KIAA0319: variants seen among roughly 807,000 people sequenced by gnomAD.
KIAA0319 encodes dyslexia-associated protein KIAA0319.
In KIAA0319, 83 loss-of-function variants were observed where a neutral mutation model predicts 108.4. The observed-to-expected ratio is 0.77, with a 90% confidence interval of 0.64 to 0.92. The LOEUF is 0.92. Ranked by LOEUF, KIAA0319 falls within the 40% of genes least tolerant of loss-of-function variation. The probability of loss-of-function intolerance (pLI) is 0.00; values close to 1 mark genes in which losing one functional copy is unlikely to be tolerated. For synonymous variants in KIAA0319, 484 were observed against 510.4 expected (o/e 0.95, Z 0.70); for missense variants, 1,195 against 1,322.4 (o/e 0.90, Z 1.49).
chr6:24,577,452 T>C (rs1031401886), intron 9 of KIAA0319, among the ~76,000 whole-genome samples: 1 of 152,210 alleles, frequency 6.6e-6, no homozygotes, highest in Non-Finnish European at 1.5e-5. Context: ...AAAAGAGAAG[T>C]GCGTTAACTT....
chr6:24,554,450 T>G, intron 19 of KIAA0319, 91 bp downstream of exon 19: 1 of 878,176 alleles, frequency 1.1e-6, no homozygotes, highest in Non-Finnish European at 1.9e-6. Context: ...AACAGCTTAG[T>G]GGTTTAACAA....
At chr6:24,558,853 C>T (rs1483357527) in intron 17 of KIAA0319, among the ~76,000 whole-genome samples, 160 bp downstream of exon 17, 1 of 152,182 alleles carries the variant, frequency 6.6e-6, no homozygotes, top group Non-Finnish European at 1.5e-5. Flanking sequence ...GAGTAGTTGG[C>T]AAATGCATGC....
intron 9 of KIAA0319, 58 bp from the exon 10 acceptor site, chr6:24,576,654 T>C (rs554111457): frequency 7.3e-7 from 1 of 1,362,650 alleles, no homozygotes; most frequent in African/African-American, 1.4e-5. Context: ...GTGCAGTGAC[T>C]CACGCCTGTA....
chr6:24,608,086 A>C (rs1428504143), intron 1 of KIAA0319, among the ~76,000 whole-genome samples: 1 of 152,208 alleles, frequency 6.6e-6, no homozygotes, highest in Non-Finnish European at 1.5e-5. Flanking sequence ...GCAATAAAAA[A>C]TACAGAAAAC....
chr6:24,599,241 A>G lies in KIAA0319; in HGVS notation c.55+1808T>C. On this transcript the variant is annotated intron_variant, in intron 2 of 20. Coordinates refer to ENST00000378214, the MANE Select transcript of KIAA0319 (RefSeq NM_014809.4). This position sits in a 1 kb window ranked among gnomAD's most constrained non-coding sequence, Gnocchi z 4.1. Reference sequence around the variant, plus strand: ...GCTGCAGGCACTGGCTGGGAAGCACAGGGATGACCTGTGTTATACAAAGAT... The same window carrying G: ...GCTGCAGGCACTGGCTGGGAAGCACGGGGATGACCTGTGTTATACAAAGAT... The G allele has an allele frequency of 2.0e-6, 1 of 501,934 alleles. No homozygotes were observed. Among genetic ancestry groups the G allele is most frequent in the Non-Finnish European group, 3.7e-6 (1 of 272,226 alleles). The allele number at this position is 501,934 out of a possible 1,614,324, so 31.1% of individuals were successfully genotyped here.
At chr6:24,641,237 C>G (rs1776868595) in intron 1 of KIAA0319, among the ~76,000 whole-genome samples, 1 of 152,236 alleles carries the variant, frequency 6.6e-6, no homozygotes, top group Non-Finnish European at 1.5e-5. Flanking sequence ...TCAAAATTTC[C>G]TTCCTTTTTA....
chr6:24,576,477 G>A lies in KIAA0319; in HGVS notation c.1625C>T (p.Pro542Leu). ...TCCATTCAAAGTGATGGAGTTTTGG[G>A]GCAAAGTTATGGTGTGATTTGGTCC... ...NAGPNHTITL[P>L]QNSITLNGNQ... The change falls in exon 10 of 21, where the codon CCC becomes CTC. Residue 542 changes from proline (P) to leucine (L), a missense_variant. Pro to Leu is a moderately conservative substitution (Grantham distance 98). Coordinates refer to ENST00000378214, the MANE Select transcript of KIAA0319 (RefSeq NM_014809.4). 1 of 1,614,106 alleles carries A rather than the reference G, an allele frequency of 6.2e-7. No individual in the cohort carries two copies. The highest frequency in any genetic ancestry group is 1.1e-5 in the South Asian group (1 of 91,082).
chr6:24,609,427 A>C (rs1036735155), intron 1 of KIAA0319, among the ~76,000 whole-genome samples: 6 of 151,916 alleles, frequency 3.9e-5, no homozygotes, highest in African/African-American at 7.3e-5. Flanking sequence ...AAATACAAAA[A>C]TTAGCCAGGC....
intron 1 of KIAA0319, among the ~76,000 whole-genome samples, chr6:24,608,343 T>C (rs1771738772): frequency 6.6e-6 from 1 of 152,120 alleles, no homozygotes. Context: ...ATCATAAATA[T>C]ATCAGTGTTT....
At chr6:24,635,088 G>A (rs1409619135) in intron 1 of KIAA0319, among the ~76,000 whole-genome samples, 6 of 151,908 alleles carry the variant, frequency 3.9e-5, no homozygotes, top group Admixed American at 3.9e-4. Context: ...AAAAGGAAAG[G>A]CAGTTTATTT....
At chr6:24,629,528 A>AAAAAAAAAAAAAAG (rs1156657922) in intron 1 of KIAA0319, among the ~76,000 whole-genome samples, 2 of 148,610 alleles carry the variant, frequency 1.3e-5, no homozygotes, top group Non-Finnish European at 3.0e-5. Flanking sequence ...AAAAAAAAAA[A>AAAAAAAAAAAAAAG]AAAGAAAGAA....
intron 11 of KIAA0319, 149 bp downstream of exon 11, chr6:24,572,426 G>A: frequency 1.2e-6 from 1 of 853,956 alleles, no homozygotes; most frequent in Non-Finnish European, 1.7e-6. Flanking sequence ...GTCAAGGCAA[G>A]ATTTAGAACC....
chr6:24,574,757 G>A (rs1438254318), intron 10 of KIAA0319, among the ~76,000 whole-genome samples: 2 of 152,098 alleles, frequency 1.3e-5, no homozygotes, highest in African/African-American at 4.8e-5. Context: ...TGTGCTACCA[G>A]GGGAACTTCT....
In KIAA0319 at chr6:24,547,092, G is replaced by A; in HGVS notation, c.*73C>T. The A allele has an allele frequency of 6.8e-7, 1 of 1,461,028 alleles. No individual in the cohort carries two copies. Among genetic ancestry groups the A allele is most frequent in the Non-Finnish European group, 9.5e-7 (1 of 1,049,972 alleles). 90.5% of individuals were successfully genotyped at this position (1,461,028 alleles called of 1,614,324 possible). A position where few individuals can be genotyped will look rare whatever the true frequency, so the allele number is the denominator to read the frequency against. Reference sequence around the variant, plus strand: ...GTCAATGAACTATTCTAAAAGAGTGGGTTTTGTGCTGTAACTCCCACTGAC... The same window carrying A: ...GTCAATGAACTATTCTAAAAGAGTGAGTTTTGTGCTGTAACTCCCACTGAC... On this transcript the variant is annotated 3_prime_UTR_variant, in exon 21 of 21. Coordinates refer to ENST00000378214, the MANE Select transcript of KIAA0319 (RefSeq NM_014809.4).
intron 1 of KIAA0319, among the ~76,000 whole-genome samples, chr6:24,629,609 GT>G (rs373696572): frequency 0.055 from 8,385 of 151,840 alleles, 318 homozygotes; most frequent in Middle Eastern, 0.11. Flanking sequence ...GTGTGGAATG[GT>G]AAGGCTTTCT....
chr6:24,595,734 C>T lies in KIAA0319; in HGVS notation c.801+139G>A, dbSNP rs893410043. 7 of 867,546 alleles carry T rather than the reference C, an allele frequency of 8.1e-6. No individual in the cohort carries two copies. In the African/African-American group the frequency reaches 1.2e-4, roughly 15 times the overall value. 53.7% of individuals were successfully genotyped at this position (867,546 alleles called of 1,614,324 possible). On this transcript the variant is annotated intron_variant, in intron 3 of 20. Transcript: ENST00000378214. ...GAGACAGTCATCTTTCTTGCCACCA[C>T]CTGAGACAGGTGCCCTTAGGCGGAA...
At chr6:24,606,217 G>A (rs1350979157) in intron 1 of KIAA0319, among the ~76,000 whole-genome samples, 5 of 152,138 alleles carry the variant, frequency 3.3e-5, no homozygotes, top group Admixed American at 2.0e-4. Flanking sequence ...GATTATAGGC[G>A]TGAGTTACTG....
intron 1 of KIAA0319, among the ~76,000 whole-genome samples, chr6:24,606,499 G>A (rs4236032): frequency 0.91 from 138,940 of 152,244 alleles, 63,456 homozygotes; most frequent in East Asian, 0.98. Context: ...AAGCACAGAA[G>A]GGTATTCAAC....
intron 4 of KIAA0319, among the ~76,000 whole-genome samples, chr6:24,585,367 T>C (rs1767310464): frequency 6.6e-6 from 1 of 151,712 alleles, no homozygotes; most frequent in Non-Finnish European, 1.5e-5. Context: ...GCCTTCCTTA[T>C]AATTTGCCCA....
Sources: gnomAD v4.1 joint callset for allele counts (sites outside exome capture counted in the v4.1 genomes callset) on GRCh38, gnomAD v4.1.1 for gene constraint, Gnocchi (gnomAD v3.1) non-coding constraint, MANE v1.5 for transcripts, NCBI Gene and HGNC (gene_info 2026-07-23, HGNC 2026-07-21) for gene names.